CCDC7: variants seen among roughly 807,000 people sequenced by gnomAD.
CCDC7 encodes coiled-coil domain containing 7.
A neutral mutation model predicts 196.9 loss-of-function variants in CCDC7; 183 were observed. That is an observed-to-expected ratio of 0.93 (90% CI 0.82 to 1.05). CCDC7 has a LOEUF of 1.05. Ranked by LOEUF, CCDC7 falls within the 50% of genes least tolerant of loss-of-function variation. CCDC7 has a pLI of 0.00. For synonymous variants in CCDC7, 525 were observed against 484.6 expected, an observed-to-expected ratio of 1.08 and a Z score of -1.10; for missense variants, 1,540 against 1,482.2, an observed-to-expected ratio of 1.04 and a Z score of -0.64.
chr10:32,726,469 A>G (rs561787662), intron 25 of CCDC7, among the ~76,000 whole-genome samples: 4 of 152,220 alleles, frequency 2.6e-5, no homozygotes, highest in African/African-American at 7.2e-5. Flanking sequence ...GTAAATAATC[A>G]ATGAATTCTG....
At chr10:32,659,778 C>T (rs544961408) in intron 20 of CCDC7, among the ~76,000 whole-genome samples, 21 of 152,172 alleles carry the variant, frequency 1.4e-4, no homozygotes, top group East Asian at 5.8e-4. Flanking sequence ...CATGAGATGC[C>T]GTCTCACACC....
intron 8 of CCDC7, among the ~76,000 whole-genome samples, chr10:32,483,652 C>T (rs1369074265): frequency 6.6e-6 from 1 of 152,080 alleles, no homozygotes; most frequent in East Asian, 1.9e-4. Context: ...GTCTTTAATC[C>T]ATCTTGAATT....
chr10:32,535,344 A>G (rs888539041), intron 11 of CCDC7, among the ~76,000 whole-genome samples: 3 of 152,120 alleles, frequency 2.0e-5, no homozygotes, highest in African/African-American at 7.2e-5. Flanking sequence ...AAAAATATTT[A>G]AAGAAGTTTA....
At position 32,642,318 on chromosome 10, in the gene CCDC7, G is replaced by A. The variant is rs191583833; in HGVS notation, c.2014+7160G>A. On this transcript the variant is annotated intron_variant, in intron 20 of 41. Transcript: ENST00000639629. ...TCCACCCAGTTTGAGTTTCCCAGCCGCTTTGTTTACCTACTCAAGCCTTGG... is the reference window on the plus strand; with the variant it reads ...TCCACCCAGTTTGAGTTTCCCAGCCACTTTGTTTACCTACTCAAGCCTTGG... Among the ~76,000 whole-genome samples, 1,027 of 152,284 alleles carry A rather than the reference G, an allele frequency of 6.7e-3. 5 individuals carry two copies. Among genetic ancestry groups the A allele is most frequent in the African/African-American group, 0.023 (940 of 41,574 alleles).
At chr10:32,779,006 G>C (rs2080593256) in exon 29 of CCDC7, 9 of 1,550,136 alleles carry the variant, frequency 5.8e-6, no homozygotes, top group Non-Finnish European at 7.0e-6. Context: ...AGAACTTCCA[G>C]ATACAGCAGA....
intron 33 of CCDC7, 121 bp downstream of exon 34, chr10:32,835,019 TC>T: frequency 2.0e-6 from 1 of 489,518 alleles, no homozygotes; most frequent in Non-Finnish European, 3.8e-6. Context: ...TTCATGAATT[TC>T]CTCCTGTAAT....
At chr10:32,509,842 C>T (rs968775402) in intron 9 of CCDC7, among the ~76,000 whole-genome samples, 3 of 152,050 alleles carry the variant, frequency 2.0e-5, no homozygotes, top group Non-Finnish European at 4.4e-5. Context: ...TGAAATAATA[C>T]ATCATACTTG....
chr10:32,579,246 T>C (rs977497574), intron 16 of CCDC7, among the ~76,000 whole-genome samples: 1 of 152,184 alleles, frequency 6.6e-6, no homozygotes, highest in Non-Finnish European at 1.5e-5. Flanking sequence ...GTTTTTTTTT[T>C]CTTAACCAAA....
At chr10:32,738,532 TG>T (rs1172799862) in intron 28 of CCDC7, among the ~76,000 whole-genome samples, 1 of 147,836 alleles carries the variant, frequency 6.8e-6, no homozygotes, top group Non-Finnish European at 1.5e-5. Context: ...TAGAGTGTCA[TG>T]GTGTGATCAC....
At chr10:32,538,695 A>C (rs928521506) in intron 11 of CCDC7, among the ~76,000 whole-genome samples, 1 of 152,110 alleles carries the variant, frequency 6.6e-6, no homozygotes, top group African/African-American at 2.4e-5. Flanking sequence ...TAACATGAAG[A>C]GAGTTGAATT....
chr10:32,742,119 G>A (rs978879891), intron 28 of CCDC7, among the ~76,000 whole-genome samples: 6 of 152,076 alleles, frequency 3.9e-5, no homozygotes, highest in Admixed American at 3.9e-4. Context: ...GAATTTAGAT[G>A]CATTTATATT....
intron 3 of CCDC7, among the ~76,000 whole-genome samples, chr10:32,458,430 T>C (rs1038308317): frequency 1.1e-4 from 16 of 151,880 alleles, no homozygotes; most frequent in Non-Finnish European, 1.6e-4. Context: ...CTACTATAGC[T>C]TTGAAGAGTA....
chr10:32,615,026 C>A (rs2062625209), intron 18 of CCDC7, among the ~76,000 whole-genome samples: 1 of 152,166 alleles, frequency 6.6e-6, no homozygotes, highest in African/African-American at 2.4e-5. Flanking sequence ...TGCATACCTA[C>A]ACCCACCCAC....
intron 11 of CCDC7, among the ~76,000 whole-genome samples, chr10:32,542,812 G>A (rs1386156626): frequency 1.3e-5 from 2 of 151,998 alleles, no homozygotes; most frequent in Non-Finnish European, 2.9e-5. Context: ...TCACAAACAA[G>A]TTTCAGGTCT....
chr10:32,800,121 C>A (rs979527410), intron 29 of CCDC7, among the ~76,000 whole-genome samples: 1 of 152,118 alleles, frequency 6.6e-6, no homozygotes, highest in Non-Finnish European at 1.5e-5. Context: ...CACTATCATT[C>A]TCCAAGATCC....
intron 29 of CCDC7, among the ~76,000 whole-genome samples, chr10:32,794,167 C>T (rs762977243): frequency 6.6e-6 from 1 of 152,148 alleles, no homozygotes; most frequent in Non-Finnish European, 1.5e-5. Flanking sequence ...ATCCTTGTGT[C>T]CACATTGCAG....
chr10:32,809,924 C>T (rs1298975192), intron 30 of CCDC7, among the ~76,000 whole-genome samples: 1 of 65,240 alleles, frequency 1.5e-5, no homozygotes, highest in Non-Finnish European at 3.0e-5. Context: ...AAGACACATG[C>T]ACGCATATGT....
chr10:32,513,474 C>CTTCTCAA lies in CCDC7; in HGVS notation c.873-4467_873-4461dup, dbSNP rs1427213610. The CTTCTCAA allele has an allele frequency of 2.2e-4, 34 of 152,148 alleles. No individual in the cohort carries two copies. The East Asian group carries it at 6.0e-3, about 27-fold the overall frequency. The allele number at this position is 152,148 out of a possible 1,614,324, so 9.4% of individuals were successfully genotyped here. ...CTTCTAAAAAATTAAAGAGTTCACA[C>CTTCTCAA]TTCTCAATTCATTCTATGAGATTAG... On this transcript the variant is annotated intron_variant, in intron 9 of 41. Coordinates refer to ENST00000639629, the Ensembl canonical transcript of CCDC7.
At chr10:32,457,331 C>T (rs186422474) in intron 3 of CCDC7, among the ~76,000 whole-genome samples, 2 of 152,156 alleles carry the variant, frequency 1.3e-5, no homozygotes, top group Admixed American at 1.3e-4. Flanking sequence ...GGATTTAATT[C>T]TTTTTTGGAA....
Sources: gnomAD v4.1 joint callset for allele counts (sites outside exome capture counted in the v4.1 genomes callset) on GRCh38, gnomAD v4.1.1 for gene constraint, MANE v1.5 for transcripts, NCBI Gene and HGNC (gene_info 2026-07-23, HGNC 2026-07-21) for gene names.